The following LARS1 variants were observed in gnomAD, a reference collection of about 807,000 sequenced individuals.
The protein encoded by LARS1 is leucine--tRNA ligase, cytoplasmic.
In LARS1, 100 loss-of-function variants were observed where a neutral mutation model predicts 162.8. That is an observed-to-expected ratio of 0.61 (90% CI 0.52 to 0.73). LARS1 has a LOEUF of 0.73. Among genes scored for constraint, LARS1 ranks in the 30% least tolerant of loss-of-function variants. The pLI is 0.00. For missense variants in LARS1, 1,258 were observed against 1,408.9 expected (o/e 0.89, Z 1.71); for synonymous variants, 457 against 462.8 (o/e 0.99, Z 0.16).
intron 1 of LARS1, among the ~76,000 whole-genome samples, chr5:146,180,252 G>T (rs1184706240): frequency 6.6e-6 from 1 of 152,096 alleles, no homozygotes; most frequent in East Asian, 1.9e-4. Context: ...AAAAAATATG[G>T]CCAGGTGCAT....
chr5:146,182,341 A>G, intron 1 of LARS1, 147 bp downstream of exon 1: 1 of 1,026,330 alleles, frequency 9.7e-7, no homozygotes, highest in Non-Finnish European at 1.5e-6. Context: ...AACTAGCAAG[A>G]AAAAGCAAAG....
At chr5:146,121,753 A>T (rs1751830915) in intron 30 of LARS1, among the ~76,000 whole-genome samples, 1 of 152,064 alleles carries the variant, frequency 6.6e-6, no homozygotes, top group Non-Finnish European at 1.5e-5. Flanking sequence ...GCATGTTCTC[A>T]CTCCCAAGCT....
chr5:146,138,028 C>T (rs1752587969), intron 21 of LARS1: 1 of 151,256 alleles, frequency 6.6e-6, no homozygotes, highest in South Asian at 2.0e-4. Flanking sequence ...GAAGCTGAGG[C>T]AGAATTGCTT....
chr5:146,159,470 C>A lies in LARS1; in HGVS notation c.708G>T (p.Arg236=), dbSNP rs1312919945. The A allele has an allele frequency of 6.8e-6, 11 of 1,605,886 alleles. No homozygotes were observed. Among genetic ancestry groups the A allele is most frequent in the Non-Finnish European group, 9.4e-6 (11 of 1,172,960 alleles). The change falls in exon 8 of 32, where the codon CGG becomes CGT. Residue 236 remains arginine (R), a splice_region_variant and synonymous_variant. Transcript: ENST00000394434. ...CATCTTTCGGAGAGTAAATTGTATACCTAAAAAATAAACAAAAAGTGACAA... is the reference window on the plus strand; with the variant it reads ...CATCTTTCGGAGAGTAAATTGTATAACTAAAAAATAAACAAAAAGTGACAA... ...RERNKIKFGK[R]YTIYSPKDGQ...
intron 14 of LARS1, among the ~76,000 whole-genome samples, chr5:146,149,942 G>A (rs945030740): frequency 1.3e-5 from 2 of 152,196 alleles, no homozygotes; most frequent in African/African-American, 4.8e-5. Context: ...GATACCTAGT[G>A]TGAGCATGAT....
intron 22 of LARS1, among the ~76,000 whole-genome samples, chr5:146,133,437 G>GCTA (rs1752375827): frequency 6.6e-6 from 1 of 152,162 alleles, no homozygotes; most frequent in African/African-American, 2.4e-5. Context: ...CAACATTTCA[G>GCTA]CCTCATTTAG....
intron 31 of LARS1, 100 bp from the exon 32 acceptor site, chr5:146,114,411 C>A: frequency 1.1e-6 from 1 of 905,408 alleles, no homozygotes; most frequent in Non-Finnish European, 1.7e-6. Flanking sequence ...GTTGTTATAT[C>A]TAAACAAAAA....
chr5:146,119,976 G>A (rs1751745546), intron 31 of LARS1, among the ~76,000 whole-genome samples: 1 of 152,124 alleles, frequency 6.6e-6, no homozygotes, highest in South Asian at 2.1e-4. Context: ...CTTTTACTCT[G>A]TTTCTCTTCC....
intron 23 of LARS1, 53 bp from the exon 24 acceptor site, chr5:146,131,162 G>T: frequency 1.2e-6 from 1 of 840,350 alleles, no homozygotes; most frequent in Non-Finnish European, 1.8e-6. Context: ...CTTATACATA[G>T]CTATAAAAAA....
chr5:146,181,916 C>T (rs1199210787), intron 1 of LARS1, among the ~76,000 whole-genome samples: 1 of 124,860 alleles, frequency 8.0e-6, no homozygotes, highest in Non-Finnish European at 1.6e-5. Flanking sequence ...CTCCTCTCTC[C>T]ACCTCGGCTT....
Position 146,164,396 on chromosome 5 carries a change from C to A in LARS1, c.508G>T (p.Glu170Ter), listed in dbSNP as rs1753910133. The A allele has an allele frequency of 6.2e-7, 1 of 1,614,034 alleles. No homozygotes were observed. Among genetic ancestry groups the A allele is most frequent in the Non-Finnish European group, 8.5e-7 (1 of 1,179,916 alleles). ...TCTGCTTCAGAAAATTTTACTATCTCTTCATCAGACAGGCCAAGGGATTTC... is the reference window on the plus strand; with the variant it reads ...TCTGCTTCAGAAAATTTTACTATCTATTCATCAGACAGGCCAAGGGATTTC... ...IMKSLGLSDE[E>*]IVKFSEAEHW... The change falls in exon 6 of 32, where the codon GAG becomes TAG. Residue 170 changes from glutamate (E) to a stop codon, truncating the protein, a stop_gained. Transcript: ENST00000394434. LOFTEE classifies it high-confidence loss of function.
chr5:146,136,468 T>C (rs1051692646), intron 21 of LARS1, among the ~76,000 whole-genome samples: 2 of 150,648 alleles, frequency 1.3e-5, no homozygotes, highest in African/African-American at 4.8e-5. Flanking sequence ...TTCAGTCTAA[T>C]ATACAGATTA....
intron 30 of LARS1, among the ~76,000 whole-genome samples, chr5:146,120,931 A>ATTGC (rs1174469675): frequency 6.6e-6 from 1 of 152,192 alleles, no homozygotes; most frequent in African/African-American, 2.4e-5. Context: ...GTAAGTGGCA[A>ATTGC]GGTCAAGATT....
chr5:146,134,465 G>A (rs554272938), intron 22 of LARS1, among the ~76,000 whole-genome samples: 1 of 152,262 alleles, frequency 6.6e-6, no homozygotes, highest in Admixed American at 6.5e-5. Flanking sequence ...CACAAACTGA[G>A]TTAGCCATGA....
At chr5:146,171,726 A>T (rs1484273300) in intron 4 of LARS1, among the ~76,000 whole-genome samples, 184 bp downstream of exon 4, 1 of 152,230 alleles carries the variant, frequency 6.6e-6, no homozygotes, top group Non-Finnish European at 1.5e-5. Flanking sequence ...ACCATAATGG[A>T]TGCCCTTTAT....
intron 1 of LARS1, among the ~76,000 whole-genome samples, chr5:146,178,568 T>C (rs2962513): frequency 0.97 from 146,410 of 151,656 alleles, 70,894 homozygotes; most frequent in East Asian, 1. Flanking sequence ...GAGCCAAGAT[T>C]GCACCATTGC....
intron 15 of LARS1, among the ~76,000 whole-genome samples, chr5:146,147,122 G>A (rs1321095146): frequency 6.6e-6 from 1 of 152,016 alleles, no homozygotes; most frequent in Non-Finnish European, 1.5e-5. Context: ...AGGCCCAAAT[G>A]GCCCTTTCTA....
intron 27 of LARS1, among the ~76,000 whole-genome samples, chr5:146,128,136 C>T (rs1252243958): frequency 6.6e-6 from 1 of 152,056 alleles, no homozygotes; most frequent in Non-Finnish European, 1.5e-5. Context: ...ATTGAGTTCC[C>T]TTTAAGTGGA....
intron 18 of LARS1, among the ~76,000 whole-genome samples, 154 bp downstream of exon 18, chr5:146,144,113 G>A (rs781162401): frequency 6.6e-6 from 1 of 152,110 alleles, no homozygotes; most frequent in Non-Finnish European, 1.5e-5. Context: ...AGATGATAGT[G>A]GACTATATCC....
Sources: allele counts gnomAD v4.1 joint callset (sites outside exome capture counted in the v4.1 genomes callset), GRCh38; gene constraint gnomAD v4.1.1; transcripts MANE v1.5; gene names NCBI Gene and HGNC (gene_info 2026-07-23, HGNC 2026-07-21).